The following CSMD1 variants were observed in gnomAD, a reference collection of about 807,000 sequenced individuals.
The protein encoded by CSMD1 is CUB and sushi domain-containing protein 1.
CSMD1 carries 213 observed loss-of-function variants against 417.5 expected under a neutral mutation model. The observed-to-expected ratio is 0.51, with a 90% CI of 0.46 to 0.57. CSMD1 has a LOEUF of 0.57. Among genes scored for constraint, CSMD1 ranks in the 20% least tolerant of loss-of-function variants. The pLI, the probability that CSMD1 is intolerant of heterozygous loss-of-function variation, is 0.00. For missense variants in CSMD1, 6,923 were observed against 4,529.7 expected (o/e 1.53, Z -15.17); for synonymous variants, 2,862 against 1,736.8 (o/e 1.65, Z -16.11).
chr8:4,746,761 G>T (rs1466671111), intron 1 of CSMD1, among the ~76,000 whole-genome samples: 1 of 152,158 alleles, frequency 6.6e-6, no homozygotes, highest in Non-Finnish European at 1.5e-5. Flanking sequence ...CTTCACTACA[G>T]CAGCGAGGTC....
In CSMD1 at chr8:3,692,992, A is replaced by C. The variant is rs995727923; in HGVS notation, c.1009+15422T>G. On this transcript the variant is annotated intron_variant, in intron 7 of 69. Coordinates refer to ENST00000635120, the MANE Select transcript of CSMD1 (RefSeq NM_033225.6). ...ACTTGGATATGACTTCTTTATCATC[A>C]AAAGTAACATTAATATTATATTGGT... 3.6e-4 allele frequency among the ~76,000 whole-genome samples: 55 copies of C among 152,322 alleles called. 1 individual carries two copies. The highest frequency in any genetic ancestry group is 3.7e-4 in the Non-Finnish European group (25 of 68,026).
Position 4,126,888 on chromosome 8 carries a change from G to A in CSMD1, c.416-94789C>T, listed in dbSNP as rs569741579. 2.5e-3 allele frequency among the ~76,000 whole-genome samples: 383 copies of A among 152,232 alleles called. 4 individuals are homozygous for A. Among genetic ancestry groups the A allele is most frequent in the African/African-American group, 8.7e-3 (362 of 41,552 alleles). ...CCCAGGACCACAGCATCTGTCTCCT[G>A]GGAATGGGTTAGAACACAGGCTCTC... On this transcript the variant is annotated intron_variant, in intron 3 of 69. Coordinates refer to ENST00000635120, the MANE Select transcript of CSMD1 (RefSeq NM_033225.6).
intron 6 of CSMD1, among the ~76,000 whole-genome samples, chr8:3,723,205 G>A (rs1291164967): frequency 6.6e-6 from 1 of 152,114 alleles, no homozygotes; most frequent in African/African-American, 2.4e-5. Context: ...GGAAGCTTGT[G>A]GCCATGGACC....
intron 43 of CSMD1, among the ~76,000 whole-genome samples, chr8:3,109,901 CACAA>C (rs755891557): frequency 6.6e-6 from 1 of 151,922 alleles, no homozygotes; most frequent in African/African-American, 2.4e-5. Context: ...AACCCACACC[CACAA>C]ACACACATCC....
At chr8:4,397,720 G>C (rs572117719) in intron 3 of CSMD1, among the ~76,000 whole-genome samples, 92 of 151,888 alleles carry the variant, frequency 6.1e-4, no homozygotes, top group African/African-American at 2.0e-3. Context: ...AACTAGATTT[G>C]AATCTCAAAA....
chr8:3,711,832 A>T (rs1359631410), intron 6 of CSMD1, among the ~76,000 whole-genome samples: 1 of 152,194 alleles, frequency 6.6e-6, no homozygotes. Flanking sequence ...AACAAATAAG[A>T]AAATCAATGG....
At chr8:4,104,242 T>C (rs529415660) in intron 3 of CSMD1, among the ~76,000 whole-genome samples, 4 of 152,232 alleles carry the variant, frequency 2.6e-5, no homozygotes, top group South Asian at 2.1e-4. Flanking sequence ...CATAGAGACA[T>C]AGATACATAA....
At chr8:3,741,243 A>G (rs909590079) in intron 6 of CSMD1, among the ~76,000 whole-genome samples, 1 of 133,954 alleles carries the variant, frequency 7.5e-6, no homozygotes, top group African/African-American at 2.7e-5. Flanking sequence ...AAAAAAAAAC[A>G]TACAGAAGAA....
At chr8:3,981,063 C>G (rs536687091) in intron 5 of CSMD1, among the ~76,000 whole-genome samples, 1 of 152,120 alleles carries the variant, frequency 6.6e-6, no homozygotes, top group African/African-American at 2.4e-5. Context: ...CAAAAACGCC[C>G]GTACTTGTAG....
intron 2 of CSMD1, among the ~76,000 whole-genome samples, chr8:4,529,164 A>G (rs1369793417): frequency 1.3e-5 from 2 of 152,180 alleles, no homozygotes; most frequent in Non-Finnish European, 2.9e-5. Flanking sequence ...CCTTTGGGGG[A>G]TCCCTGAGGT....
intron 54 of CSMD1, among the ~76,000 whole-genome samples, chr8:2,982,835 G>C (rs575171341): frequency 3.6e-4 from 54 of 152,112 alleles, no homozygotes; most frequent in Non-Finnish European, 7.2e-4. Flanking sequence ...TCCCATCCCA[G>C]GTTCCTTCTC....
intron 5 of CSMD1, among the ~76,000 whole-genome samples, chr8:3,787,985 C>A (rs1351388935): frequency 6.6e-6 from 1 of 152,170 alleles, no homozygotes; most frequent in Non-Finnish European, 1.5e-5. Flanking sequence ...TAATTGGGAG[C>A]TGTGAGTTTT....
At chr8:3,380,467 T>A (rs1014540947) in intron 18 of CSMD1, among the ~76,000 whole-genome samples, 1 of 152,106 alleles carries the variant, frequency 6.6e-6, no homozygotes, top group East Asian at 1.9e-4. Context: ...CTGTTCACAA[T>A]AGCAAGGACT....
intron 26 of CSMD1, among the ~76,000 whole-genome samples, chr8:3,251,661 G>A (rs1217245444): frequency 3.9e-5 from 6 of 152,066 alleles, no homozygotes; most frequent in Non-Finnish European, 8.8e-5. Flanking sequence ...GGGCAGCATG[G>A]GCATTTTCAC....
chr8:4,550,564 C>A (rs960120690), intron 2 of CSMD1, among the ~76,000 whole-genome samples: 1 of 152,096 alleles, frequency 6.6e-6, no homozygotes, highest in African/African-American at 2.4e-5. Flanking sequence ...TTTTTTGAAA[C>A]ATTTTTTAAA....
At chr8:4,910,784 G>T (rs913206596) in intron 1 of CSMD1, among the ~76,000 whole-genome samples, 3 of 152,156 alleles carry the variant, frequency 2.0e-5, no homozygotes, top group African/African-American at 7.2e-5. Context: ...CTTATAAGGT[G>T]GGAAAATATA....
In CSMD1 at chr8:4,994,638, C is replaced by G. The variant is rs1053591167; in HGVS notation, c.-222G>C. ...CACTGCAGGGCTGAGCTGCTCCGAG[C>G]GCGGAGACCCGGGCTGGCGGGGCCG... On this transcript the variant is annotated 5_prime_UTR_variant, in exon 1 of 70. Coordinates refer to ENST00000635120, the MANE Select transcript of CSMD1 (RefSeq NM_033225.6). 5.2e-5 allele frequency: 23 copies of G among 443,200 alleles called. No homozygotes were observed. The highest frequency in any genetic ancestry group is 3.8e-5 in the East Asian group (1 of 26,444). The allele number at this position is 443,200 out of a possible 1,614,324, so 27.5% of individuals were successfully genotyped here. A position where few individuals can be genotyped will look rare whatever the true frequency, so the allele number is the denominator to read the frequency against.
chr8:3,086,249 T>G (rs1814521500), intron 49 of CSMD1, among the ~76,000 whole-genome samples: 1 of 152,218 alleles, frequency 6.6e-6, no homozygotes. Flanking sequence ...TGAGTCTATC[T>G]CTATGTTTAT....
At chr8:3,733,584 A>T (rs966643895) in intron 6 of CSMD1, among the ~76,000 whole-genome samples, 4 of 152,032 alleles carry the variant, frequency 2.6e-5, no homozygotes, top group African/African-American at 9.7e-5. Flanking sequence ...TTCGAGTGTG[A>T]TGAAACCCTG....
Sources: gnomAD v4.1 joint callset for allele counts (sites outside exome capture counted in the v4.1 genomes callset) on GRCh38, gnomAD v4.1.1 for gene constraint, MANE v1.5 for transcripts, NCBI Gene and HGNC (gene_info 2026-07-23, HGNC 2026-07-21) for gene names.